The following APIP variants were observed in gnomAD, a reference collection of about 807,000 sequenced individuals.
APIP encodes the protein methylthioribulose-1-phosphate dehydratase.
APIP carries 32 observed loss-of-function variants against 32.0 expected under a neutral mutation model. The ratio of observed to expected loss-of-function variants is 1.00; its 90% CI spans 0.76 to 1.34. The LOEUF is 1.34. Ranked by LOEUF, APIP falls within the 40% of genes most tolerant of loss-of-function variation. The probability of loss-of-function intolerance (pLI) is 0.00; values close to 1 mark genes in which losing one functional copy is unlikely to be tolerated. For missense variants in APIP, 247 were observed against 298.6 expected (o/e 0.83, Z 1.27); for synonymous variants, 92 against 94.8 (o/e 0.97, Z 0.17).
intron 1 of APIP, among the ~76,000 whole-genome samples, chr11:34,898,677 C>T (rs970893464): frequency 5.3e-5 from 8 of 151,968 alleles, no homozygotes; most frequent in Non-Finnish European, 1.0e-4. Context: ...CTCCTCCCCG[C>T]TCCCACCCAG....
rs33914497 is a variant in APIP, at chr11:34,915,001, CAAAAAAAAAAAAA to C, written c.57+1214_57+1226del. Reference sequence around the variant, plus strand: ...CCTGGGCAACAAGAGCAAAACGTGTCAAAAAAAAAAAAAAAAAAAAAAAAAGGTTGGCTCAAAT... The same window carrying C: ...CCTGGGCAACAAGAGCAAAACGTGTCAAAAAAAAAAAAGGTTGGCTCAAAT... On this transcript the variant is annotated intron_variant, in intron 1 of 6. Coordinates refer to ENST00000395787, the MANE Select transcript of APIP (RefSeq NM_015957.4). Among the ~76,000 whole-genome samples, 187 of 76,404 alleles carry C rather than the reference CAAAAAAAAAAAAA, an allele frequency of 2.4e-3. 10 individuals are homozygous for C. The East Asian group carries it at 0.07, about 29-fold the overall frequency. 50.1% of individuals were successfully genotyped at this position (76,404 alleles called of 152,430 possible). A position where few individuals can be genotyped will look rare whatever the true frequency, so the allele number is the denominator to read the frequency against.
chr11:34,916,004 C>T (rs1853672703), intron 1 of APIP: 1 of 605,730 alleles, frequency 1.7e-6, no homozygotes, highest in Non-Finnish European at 2.8e-6. Flanking sequence ...GCGCCCAGCT[C>T]CCGCCATCGG....
intron 5 of APIP, among the ~76,000 whole-genome samples, chr11:34,884,855 C>T (rs1470802490): frequency 1.3e-5 from 2 of 151,906 alleles, no homozygotes; most frequent in Admixed American, 6.6e-5. Context: ...GAAATATTTT[C>T]AGGAGCAAAA....
chr11:34,902,819 TG>T (rs991048446), intron 1 of APIP, among the ~76,000 whole-genome samples: 5 of 152,154 alleles, frequency 3.3e-5, no homozygotes, highest in Non-Finnish European at 5.9e-5. Flanking sequence ...GGAATGTCCC[TG>T]GGAGTTTTAA....
intron 1 of APIP, among the ~76,000 whole-genome samples, chr11:34,911,565 TAGAA>T (rs1853551226): frequency 6.6e-6 from 1 of 152,194 alleles, no homozygotes; most frequent in South Asian, 2.1e-4. Context: ...ACGCAATGCT[TAGAA>T]AGAGTCTGAG....
chr11:34,913,683 C>T lies in APIP; in HGVS notation c.57+2545G>A, dbSNP rs188099307. On this transcript the variant is annotated intron_variant, in intron 1 of 6. Transcript: ENST00000395787. ...AAGCTTCCACAGCCTGGAAGGTGACCGAGGGGGGTTGCCGCTGCTGGCTCT... is the reference window on the plus strand; with the variant it reads ...AAGCTTCCACAGCCTGGAAGGTGACTGAGGGGGGTTGCCGCTGCTGGCTCT... Among the ~76,000 whole-genome samples, 15 of 152,236 alleles carry T rather than the reference C, an allele frequency of 9.9e-5. No individual in the cohort carries two copies. In the South Asian group the frequency reaches 1.5e-3, roughly 15 times the overall value.
Position 34,895,031 on chromosome 11 carries a change from C to T in APIP, c.137G>A (p.Gly46Glu). Residue 46 changes from glycine (G) to glutamate (E), a missense_variant, in exon 2 of 7, where the codon GGA becomes GAA. By Grantham distance (98) the Gly-to-Glu change is moderately conservative. Transcript: ENST00000395787. ...YHLGWVTGTG[G>E]GISLKHGDEI... is the part of the protein sequence containing the mutation. ...TTACCCATGCTTCAAGCTAATTCCT[C>T]CTCCAGTCCCAGTGACCCAGCCTAA... 6.2e-7 allele frequency: 1 copy of T among 1,614,082 alleles called. No individual in the cohort carries two copies. Among genetic ancestry groups the T allele is most frequent in the Non-Finnish European group, 8.5e-7 (1 of 1,179,966 alleles).
At position 34,911,072 on chromosome 11, in the gene APIP, G is replaced by A. The variant is rs530282297; in HGVS notation, c.57+5156C>T. On this transcript the variant is annotated intron_variant, in intron 1 of 6. Coordinates refer to ENST00000395787, the MANE Select transcript of APIP (RefSeq NM_015957.4). Reference sequence around the variant, plus strand: ...GTCACATGCTACTCAGAGGCCAGCTGCAGTAAGACACCAGAATACTTGTAG... The same window carrying A: ...GTCACATGCTACTCAGAGGCCAGCTACAGTAAGACACCAGAATACTTGTAG... Among the ~76,000 whole-genome samples the A allele has an allele frequency of 2.0e-5, 3 of 152,260 alleles. No individual in the cohort carries two copies. In the East Asian group the frequency reaches 5.8e-4, roughly 29 times the overall value.
In APIP at chr11:34,916,331, G is replaced by A. The variant is rs753186558; in HGVS notation, c.-47C>T. ...CGGCCTCCAATCTCCGCACGGCTTT[G>A]CGCGCGGCGCTTAGCCTGGGATACG... is the stretch of plus-strand genomic sequence containing the variant. On this transcript the variant is annotated 5_prime_UTR_variant, in exon 1 of 7. Transcript: ENST00000395787. 1.1e-5 allele frequency: 17 copies of A among 1,604,462 alleles called. No individual in the cohort carries two copies. The highest frequency in any genetic ancestry group is 1.4e-5 in the Non-Finnish European group (17 of 1,175,726).
rs183968419 is a variant in APIP at position 34,893,594 on chromosome 11, C to T, written c.158+1416G>A. The stretch of plus-strand genomic sequence containing the variant: ...CTGTATTTACACATTAGCAACTAGG[C>T]TGATGGTAAGAGAGGAGGCACAGAT... On this transcript the variant is annotated intron_variant, in intron 2 of 6. Coordinates refer to ENST00000395787, the MANE Select transcript of APIP (RefSeq NM_015957.4). Among the ~76,000 whole-genome samples the T allele has an allele frequency of 3.9e-5, 6 of 152,160 alleles. No homozygotes were observed. In the East Asian group the frequency reaches 1.2e-3, roughly 29 times the overall value.
At chr11:34,909,151 G>A (rs1329512139) in intron 1 of APIP, among the ~76,000 whole-genome samples, 1 of 152,050 alleles carries the variant, frequency 6.6e-6, no homozygotes, top group African/African-American at 2.4e-5. Flanking sequence ...TGAGAAAACT[G>A]AAGGAGACAA....
Position 34,883,417 on chromosome 11 carries a change from T to C in APIP, c.549A>G (p.Glu183=), listed in dbSNP as rs761042857. The change falls in exon 6 of 7, where the codon GAA becomes GAG. Residue 183 remains glutamate, a synonymous_variant. Coordinates refer to ENST00000395787, the MANE Select transcript of APIP (RefSeq NM_015957.4). ...LKDRMAHAMN[E]YPDSCAVLVR... Reference sequence around the variant, plus strand: ...CCAGTACTGCACAGGAGTCTGGGTATTCATTCATTGCATGAGCCATTCTAT... The same window carrying C: ...CCAGTACTGCACAGGAGTCTGGGTACTCATTCATTGCATGAGCCATTCTAT... 6.2e-7 allele frequency: 1 copy of C among 1,614,112 alleles called. No individual in the cohort carries two copies. The highest frequency in any genetic ancestry group is 1.1e-5 in the South Asian group (1 of 91,088).
At chr11:34,912,353 T>A (rs7116386) in intron 1 of APIP, among the ~76,000 whole-genome samples, 28,813 of 152,140 alleles carry the variant, frequency 0.19, 3,905 homozygotes, top group African/African-American at 0.39. Flanking sequence ...CAGAATAATA[T>A]AAATACACAG....
chr11:34,911,176 C>T (rs979637150), intron 1 of APIP, among the ~76,000 whole-genome samples: 2 of 151,630 alleles, frequency 1.3e-5, no homozygotes, highest in Non-Finnish European at 2.9e-5. Flanking sequence ...AAGGATATGA[C>T]CATGGGAATG....
intron 5 of APIP, among the ~76,000 whole-genome samples, chr11:34,886,783 C>A (rs1008879564): frequency 6.6e-6 from 1 of 152,210 alleles, no homozygotes; most frequent in Non-Finnish European, 1.5e-5. Flanking sequence ...CAGTAACCTG[C>A]TATGCAGGCT....
At chr11:34,905,921 C>A (rs930629897) in intron 1 of APIP, among the ~76,000 whole-genome samples, 5 of 152,188 alleles carry the variant, frequency 3.3e-5, no homozygotes, top group African/African-American at 1.2e-4. Context: ...GCCACAGGAT[C>A]ATCTGAGATA....
chr11:34,889,191 T>C (rs1406706054), intron 3 of APIP, among the ~76,000 whole-genome samples: 2 of 152,162 alleles, frequency 1.3e-5, no homozygotes, highest in African/African-American at 4.8e-5. Flanking sequence ...AAAAATGATA[T>C]GGAAAATTAC....
At chr11:34,886,812 G>T (rs1330163422) in intron 5 of APIP, among the ~76,000 whole-genome samples, 5 of 152,064 alleles carry the variant, frequency 3.3e-5, no homozygotes. Flanking sequence ...AGGAGCATTA[G>T]GCTATACCAT....
rs368297989 is a variant in APIP, at chr11:34,895,015, C to T, written c.153G>A (p.Lys51=). ...AAAGGCTGCCAGAAACTTACCCATG[C>T]TTCAAGCTAATTCCTCCTCCAGTCC... ...VTGTGGGISL[K]HGDEIYIAPS... The change falls in exon 2 of 7, where the codon AAG becomes AAA. Residue 51 remains lysine, a synonymous_variant. Transcript: ENST00000395787. 4 of 1,613,722 alleles carry T rather than the reference C, an allele frequency of 2.5e-6. No individual in the cohort carries two copies. The African/African-American group carries it at 5.3e-5, about 22-fold the overall frequency.
Sources: gnomAD v4.1 joint callset for allele counts (sites outside exome capture counted in the v4.1 genomes callset) on GRCh38, gnomAD v4.1.1 for gene constraint, MANE v1.5 for transcripts, NCBI Gene and HGNC (gene_info 2026-07-23, HGNC 2026-07-21) for gene names.